Variants in SLC35F4 observed in about 807,000 individuals in gnomAD.
SLC35F4 encodes solute carrier family 35 member F4.
In SLC35F4, 24 loss-of-function variants were observed where a neutral mutation model predicts 44.2. The observed-to-expected ratio is 0.54, with a 90% CI of 0.39 to 0.76. The LOEUF is 0.76. SLC35F4 is among the 30% of genes least tolerant of loss of function. The probability of loss-of-function intolerance (pLI) is 0.00; values close to 1 mark genes in which losing one functional copy is unlikely to be tolerated. For missense variants in SLC35F4, 562 were observed against 586.1 expected, an observed-to-expected ratio of 0.96 and a Z score of 0.42; for synonymous variants, 238 against 223.6, an observed-to-expected ratio of 1.06 and a Z score of -0.57.
At chr14:57,580,057 G>C (rs542309467) in intron 4 of SLC35F4, among the ~76,000 whole-genome samples, 5 of 152,164 alleles carry the variant, frequency 3.3e-5, no homozygotes, top group Non-Finnish European at 7.3e-5. Flanking sequence ...AAAGAATGTA[G>C]TGTCACATTT....
intron 1 of SLC35F4, among the ~76,000 whole-genome samples, chr14:57,668,244 G>A (rs1192905517): frequency 3.3e-5 from 5 of 151,174 alleles, no homozygotes; most frequent in Non-Finnish European, 7.4e-5. Flanking sequence ...TTTGTCAGAT[G>A]AGTAAGTTGC....
chr14:57,903,778 T>G (rs1437805139), intron 1 of SLC35F4, among the ~76,000 whole-genome samples: 1 of 152,228 alleles, frequency 6.6e-6, no homozygotes, highest in Non-Finnish European at 1.5e-5. Context: ...ATATTTACTC[T>G]GAATAAAATG....
intron 1 of SLC35F4, among the ~76,000 whole-genome samples, chr14:57,747,178 G>C (rs1263765724): frequency 6.6e-6 from 1 of 152,158 alleles, no homozygotes; most frequent in Non-Finnish European, 1.5e-5. Context: ...TCAGAACAAA[G>C]GGCCTGGCTG....
rs550339008 is a variant in SLC35F4, at chr14:57,783,367, G to A, written c.103+82356C>T. Among the ~76,000 whole-genome samples the A allele has an allele frequency of 1.1e-4, 17 of 151,856 alleles. No homozygotes were observed. In the East Asian group the frequency reaches 2.7e-3, roughly 24 times the overall value. On this transcript the variant is annotated intron_variant, in intron 1 of 7. Transcript: ENST00000556826. The stretch of plus-strand genomic sequence containing the variant: ...AGAAAAAGGATAACTGTCTGAACAC[G>A]TTTATAATGCAGACAACAGTCTCCT...
chr14:57,933,032 C>G (rs1006059989), intron 1 of SLC35F4, among the ~76,000 whole-genome samples: 4 of 148,938 alleles, frequency 2.7e-5, no homozygotes, highest in African/African-American at 1.0e-4. Flanking sequence ...AAGTTCTCTC[C>G]TATTTACTTT....
intron 1 of SLC35F4, among the ~76,000 whole-genome samples, chr14:57,781,818 A>C (rs2077628945): frequency 6.6e-6 from 1 of 152,168 alleles, no homozygotes; most frequent in Non-Finnish European, 1.5e-5. Flanking sequence ...GGAACAGAAA[A>C]CCAAATAGCT....
intron 1 of SLC35F4, among the ~76,000 whole-genome samples, chr14:57,944,100 T>A (rs1889965355): frequency 6.6e-6 from 1 of 152,178 alleles, no homozygotes. Flanking sequence ...TTCTGTCACA[T>A]TCTTGTGATT....
chr14:57,830,306 A>G (rs779541403), intron 1 of SLC35F4, among the ~76,000 whole-genome samples: 5 of 152,194 alleles, frequency 3.3e-5, no homozygotes, highest in Non-Finnish European at 7.3e-5. Context: ...AATGTGGTGT[A>G]ATGCCACCTC....
chr14:57,874,664 G>A lies in SLC35F4; in HGVS notation n.282+107249C>T, dbSNP rs560550127. ...CCTGACCCTGTGCAATGCCATCTTC[G>A]GCTATGTGGCTTTCTAACTGCTCCT... On this transcript the variant is annotated intron_variant and non_coding_transcript_variant, in intron 1 of 1. Transcript: ENST00000556568. Among the ~76,000 whole-genome samples the A allele has an allele frequency of 9.2e-5, 14 of 152,144 alleles. No homozygotes were observed. In the East Asian group the frequency reaches 1.2e-3, roughly 13 times the overall value.
rs568454218 is a variant in SLC35F4, at chr14:57,607,681, C to T, written c.104-13557G>A. Among the ~76,000 whole-genome samples the T allele has an allele frequency of 1.1e-4, 17 of 152,286 alleles. No individual in the cohort carries two copies. In the South Asian group the frequency reaches 2.5e-3, roughly 22 times the overall value. Reference sequence around the variant, plus strand: ...GATTTAAGTAGGGAAGTGGAATCATCGGATTTGAGTTTTTAGAAGATCACT... The same window carrying T: ...GATTTAAGTAGGGAAGTGGAATCATTGGATTTGAGTTTTTAGAAGATCACT... On this transcript the variant is annotated intron_variant, in intron 1 of 7. Coordinates refer to ENST00000556826, the MANE Select transcript of SLC35F4 (RefSeq NM_001306087.2).
intron 1 of SLC35F4, among the ~76,000 whole-genome samples, chr14:57,609,148 G>A (rs1476277523): frequency 6.6e-5 from 10 of 152,152 alleles, no homozygotes; most frequent in Non-Finnish European, 1.3e-4. Flanking sequence ...GTATGCAGAT[G>A]GATGCATGGA....
At chr14:57,709,356 G>T (rs1443679938) in intron 1 of SLC35F4, among the ~76,000 whole-genome samples, 1 of 152,036 alleles carries the variant, frequency 6.6e-6, no homozygotes, top group Non-Finnish European at 1.5e-5. Flanking sequence ...TTGTCTTCTG[G>T]TCACTTCTCA....
At chr14:57,862,097 C>T (rs777675779) in intron 1 of SLC35F4, among the ~76,000 whole-genome samples, 22 of 152,124 alleles carry the variant, frequency 1.4e-4, no homozygotes, top group Non-Finnish European at 2.9e-4. Flanking sequence ...CAAAGTTTCT[C>T]TACCTTGAAA....
chr14:57,809,055 T>G (rs1881672186), intron 1 of SLC35F4, among the ~76,000 whole-genome samples: 1 of 152,300 alleles, frequency 6.6e-6, no homozygotes, highest in South Asian at 2.1e-4. Flanking sequence ...GTAATGATTT[T>G]TATTCCTCCT....
intron 1 of SLC35F4, among the ~76,000 whole-genome samples, chr14:57,830,464 A>C (rs1175599098): frequency 1.3e-5 from 2 of 152,216 alleles, no homozygotes; most frequent in East Asian, 3.8e-4. Flanking sequence ...ATATGCCCCA[A>C]ATATGAAGTT....
intron 1 of SLC35F4, among the ~76,000 whole-genome samples, chr14:57,918,268 T>G (rs1889371102): frequency 6.6e-6 from 1 of 152,142 alleles, no homozygotes; most frequent in African/African-American, 2.4e-5. Flanking sequence ...CTGGAGTTTT[T>G]AACTCTCAGA....
intron 1 of SLC35F4, among the ~76,000 whole-genome samples, chr14:57,820,892 C>G (rs1297688241): frequency 1.3e-5 from 2 of 152,212 alleles, no homozygotes; most frequent in African/African-American, 4.8e-5. Flanking sequence ...AATCATGCCA[C>G]TAATGCCTTG....
chr14:57,572,108 T>C, intron 4 of SLC35F4, 89 bp from the exon 5 acceptor site: 2 of 1,485,186 alleles, frequency 1.3e-6, no homozygotes, highest in Non-Finnish European at 1.8e-6. Context: ...AGCTGCTAAG[T>C]ACTTCCTTAA....
intron 1 of SLC35F4, chr14:57,596,637 C>T (rs1209017594): frequency 7.3e-6 from 4 of 544,290 alleles, no homozygotes; most frequent in Admixed American, 6.3e-5. Context: ...TAGAAATAGG[C>T]TGGGTAGCAA....
Sources: allele counts gnomAD v4.1 joint callset (sites outside exome capture counted in the v4.1 genomes callset), GRCh38; gene constraint gnomAD v4.1.1; transcripts MANE v1.5; gene names NCBI Gene and HGNC (gene_info 2026-07-23, HGNC 2026-07-21).